Variants in EXOC7 observed in about 807,000 individuals in gnomAD.
The protein encoded by EXOC7 is exocyst complex component 7.
Under a neutral mutation model 87.6 loss-of-function variants are expected in EXOC7, and 51 were observed. The observed-to-expected ratio is 0.58, with a 90% CI of 0.46 to 0.73. The LOEUF is 0.73. EXOC7 is among the 30% of genes least tolerant of loss of function. EXOC7 has a pLI of 0.00. For missense variants in EXOC7, 744 were observed against 888.4 expected, an observed-to-expected ratio of 0.84 and a Z score of 2.07; for synonymous variants, 327 against 357.1, an observed-to-expected ratio of 0.92 and a Z score of 0.95.
At chr17:76,089,142 G>A (rs2067354566) in intron 8 of EXOC7, 33 bp downstream of exon 8, 6 of 1,610,118 alleles carry the variant, frequency 3.7e-6, no homozygotes, top group Non-Finnish European at 5.1e-6. Context: ...TCTTGCTGGG[G>A]CTGGCTGCAG....
intron 1 of EXOC7, 103 bp from the exon 2 acceptor site, chr17:76,103,529 G>A (rs113441839): frequency 0.039 from 61,337 of 1,562,856 alleles, 1,397 homozygotes; most frequent in Non-Finnish European, 0.045. Context: ...TCCTCGCTGG[G>A]TGCGCTCCCT....
Position 76,081,187 on chromosome 17 carries a change from T to G in EXOC7, c.*2461A>C. The stretch of plus-strand genomic sequence containing the variant: ...TCCCTGCCAAAAGCCATCAAAAGTC[T>G]CCATCACCCCTGGGCTCCAGTCTGC... On this transcript the variant is annotated 3_prime_UTR_variant, in exon 19 of 19. Transcript: ENST00000589210. The G allele has an allele frequency of 6.5e-7, 1 of 1,548,990 alleles. No homozygotes were observed. The highest frequency in any genetic ancestry group is 1.4e-5 in the African/African-American group (1 of 73,248).
chr17:76,096,511 C>CAAA (rs780542530), intron 5 of EXOC7, among the ~76,000 whole-genome samples: 1,984 of 69,174 alleles, frequency 0.029, 119 homozygotes, highest in East Asian at 0.2. Context: ...GACTCTGTCT[C>CAAA]AAAAAAAAAA....
chr17:76,095,264 T>A (rs1390647955), intron 5 of EXOC7, among the ~76,000 whole-genome samples: 1 of 151,612 alleles, frequency 6.6e-6, no homozygotes, highest in Non-Finnish European at 1.5e-5. Flanking sequence ...CCAGCCCTAG[T>A]TGTAAGCTTT....
In EXOC7 at chr17:76,081,705, C is replaced by T. The variant is rs2066985821; in HGVS notation, c.*1943G>A. On this transcript the variant is annotated 3_prime_UTR_variant, in exon 19 of 19. Coordinates refer to ENST00000589210, the MANE Select transcript of EXOC7 (RefSeq NM_001013839.4). ...CTGCTGAGTTACCTCGTCCTCCACTCCTCCCTGGTGCAGGCCCTGCCCAGC... is the reference window on the plus strand; with the variant it reads ...CTGCTGAGTTACCTCGTCCTCCACTTCTCCCTGGTGCAGGCCCTGCCCAGC... The T allele has an allele frequency of 6.2e-7, 1 of 1,614,122 alleles. No homozygotes were observed. Among genetic ancestry groups the T allele is most frequent in the South Asian group, 1.1e-5 (1 of 91,084 alleles).
At chr17:76,100,013 G>T (rs2067980964) in intron 4 of EXOC7, among the ~76,000 whole-genome samples, 1 of 152,090 alleles carries the variant, frequency 6.6e-6, no homozygotes, top group Admixed American at 6.6e-5. Flanking sequence ...GAGGTGGGAA[G>T]ACTGCCTGAG....
In EXOC7 at chr17:76,083,987, A is replaced by C. The variant is rs757211095; in HGVS notation, c.1952+19T>G. 1 of 1,538,910 alleles carries C rather than the reference A, an allele frequency of 6.5e-7. No individual in the cohort carries two copies. Among genetic ancestry groups the C allele is most frequent in the Admixed American group, 2.2e-5 (1 of 46,346 alleles). The stretch of plus-strand genomic sequence containing the variant: ...GGGGCTGTGGGCAGCACAGGCTGGG[A>C]GGGGAATGGAGGCCTCACTTCTGTA... On this transcript the variant is annotated intron_variant, in intron 18 of 18. Coordinates refer to ENST00000589210, the MANE Select transcript of EXOC7 (RefSeq NM_001013839.4).
chr17:76,081,160 T>C lies in EXOC7; in HGVS notation c.*2488A>G, dbSNP rs372011610. ...TATGGATCGGTTTTGTGTCCAAGTCTGTCCCTGCCAAAAGCCATCAAAAGT... is the reference window on the plus strand; with the variant it reads ...TATGGATCGGTTTTGTGTCCAAGTCCGTCCCTGCCAAAAGCCATCAAAAGT... On this transcript the variant is annotated 3_prime_UTR_variant, in exon 19 of 19. Transcript: ENST00000589210. The C allele has an allele frequency of 7.0e-7, 1 of 1,435,848 alleles. No individual in the cohort carries two copies. The highest frequency in any genetic ancestry group is 1.4e-5 in the African/African-American group (1 of 70,428). The allele number at this position is 1,435,848 out of a possible 1,614,324, so 88.9% of individuals were successfully genotyped here.
intron 10 of EXOC7, 73 bp from the exon 11 acceptor site, chr17:76,088,195 G>C: frequency 8.0e-6 from 12 of 1,492,294 alleles, no homozygotes; most frequent in Non-Finnish European, 1.1e-5. Flanking sequence ...CCTGCTCATG[G>C]TGCCGCCTCC....
rs1035970806 is a variant in EXOC7, at chr17:76,090,455, C to T, written c.901+688G>A. ...GCGTTTATCCAGGGGCCAGGCAGGC[C>T]GCCCCTTGGGGTACAGGGAAGAAGC... On this transcript the variant is annotated intron_variant, in intron 7 of 18. Transcript: ENST00000589210. 18 of 1,551,514 alleles carry T rather than the reference C, an allele frequency of 1.2e-5. 1 individual carries two copies. In the African/African-American group the frequency reaches 1.4e-4, roughly 12 times the overall value.
chr17:76,084,000 C>G lies in EXOC7; in HGVS notation c.1952+6G>C, dbSNP rs112771219. The stretch of plus-strand genomic sequence containing the variant: ...GCACAGGCTGGGAGGGGAATGGAGG[C>G]CTCACTTCTGTAGAAAGGCCCCGTA... On this transcript the variant is annotated splice_donor_region_variant and intron_variant, in intron 18 of 18. Transcript: ENST00000589210. 3,830 of 1,559,710 alleles carry G rather than the reference C, an allele frequency of 2.5e-3. 90 individuals are homozygous for G. The African/African-American group carries it at 0.046, about 19-fold the overall frequency.
Position 76,089,187 on chromosome 17 carries a change from G to T in EXOC7, c.1035C>A (p.Asp345Glu). The change falls in exon 8 of 19, where the codon GAC (aspartate) becomes GAA (glutamate). Residue 345 changes from aspartate (D) to glutamate (E), a missense_variant. Asp to Glu is a conservative substitution (Grantham distance 45, BLOSUM62 2). Coordinates refer to ENST00000589210, the MANE Select transcript of EXOC7 (RefSeq NM_001013839.4). ...GGCGGGGCGGGACCTGTATCAGGGA[G>T]TCGAAGGTCTTCTTCTGGTGGTGCT... ...IPEHHQKKTFDSLIQDALDGL... is the reference protein window; with the variant it reads ...IPEHHQKKTFESLIQDALDGL... 2 of 1,613,548 alleles carry T rather than the reference G, an allele frequency of 1.2e-6. No homozygotes were observed. Among genetic ancestry groups the T allele is most frequent in the Non-Finnish European group, 1.7e-6 (2 of 1,179,992 alleles).
At chr17:76,091,314 G>T in intron 6 of EXOC7, 79 bp from the exon 7 acceptor site, 1 of 1,166,996 alleles carries the variant, frequency 8.6e-7, no homozygotes. Context: ...CCCTCCACCT[G>T]CCCCCCAGGC....
chr17:76,089,351 G>A, intron 7 of EXOC7, 31 bp from the exon 8 acceptor site: 1 of 1,609,180 alleles, frequency 6.2e-7, no homozygotes, highest in Non-Finnish European at 8.5e-7. Flanking sequence ...TGAGCTGCTG[G>A]TCTGGGGCCA....
chr17:76,086,525 C>T (rs1183854705), intron 12 of EXOC7, among the ~76,000 whole-genome samples: 1 of 152,174 alleles, frequency 6.6e-6, no homozygotes, highest in East Asian at 1.9e-4. Context: ...TCCACCTTCT[C>T]CCCTACATTC....
chr17:76,101,145 T>C, intron 4 of EXOC7, 126 bp downstream of exon 4: 1 of 1,422,282 alleles, frequency 7.0e-7, no homozygotes, highest in Non-Finnish European at 9.3e-7. Context: ...GCCTATAGGA[T>C]GTACTGTGCT....
In EXOC7 at chr17:76,089,326, G is replaced by A; in HGVS notation, c.902-6C>T. 6.2e-7 allele frequency: 1 copy of A among 1,613,720 alleles called. No homozygotes were observed. The highest frequency in any genetic ancestry group is 8.5e-7 in the Non-Finnish European group (1 of 1,179,834). On this transcript the variant is annotated splice_region_variant and splice_polypyrimidine_tract_variant and intron_variant, in intron 7 of 18. Transcript: ENST00000589210. ...GTCCAGCATGTCATCTCTCCCTGGG[G>A]GATGGCACAACTCTTGAGCTGCTGG...
At chr17:76,086,961 G>A in intron 12 of EXOC7, 1 of 1,440,968 alleles carries the variant, frequency 6.9e-7, no homozygotes, top group Non-Finnish European at 9.5e-7. Flanking sequence ...AAGATGCAAA[G>A]TGCAAAAAAC....
Position 76,103,681 on chromosome 17 carries a change from T to A in EXOC7, c.12A>T (p.Pro4=). The part of the protein sequence containing the change: MIP[P]QEASARRREI... ...CCCGCCGTCGAGCGGATGCCTCCTG[T>A]GGGGGAATCATCGCTCTGAACCCCG... Residue 4 remains proline, a synonymous_variant, in exon 1 of 19, where the codon CCA becomes CCT. Transcript: ENST00000589210. The A allele has an allele frequency of 6.2e-7, 1 of 1,612,360 alleles. No homozygotes were observed. The highest frequency in any genetic ancestry group is 8.5e-7 in the Non-Finnish European group (1 of 1,179,330).
Sources: allele counts gnomAD v4.1 joint callset (sites outside exome capture counted in the v4.1 genomes callset), GRCh38; gene constraint gnomAD v4.1.1; transcripts MANE v1.5; gene names NCBI Gene and HGNC (gene_info 2026-07-23, HGNC 2026-07-21).